The following KCNH2 variants were observed in gnomAD, a reference collection of about 807,000 sequenced individuals.
KCNH2 encodes potassium voltage-gated channel subfamily H member 2.
A neutral mutation model predicts 95.9 loss-of-function variants in KCNH2; 35 were observed. The ratio of observed to expected loss-of-function variants is 0.37; its 90% confidence interval spans 0.28 to 0.48. The LOEUF is 0.48. Ranked by LOEUF, KCNH2 falls within the 20% of genes least tolerant of loss-of-function variation. KCNH2 has a pLI of 0.99. For synonymous variants in KCNH2, 786 were observed against 754.7 expected (o/e 1.04, Z -0.68); for missense variants, 1,274 against 1,702.9 (o/e 0.75, Z 4.43).
chr7:150,974,670 A>ACCCCGCCCCTGGTCGTGG, intron 2 of KCNH2, 41 bp downstream of exon 2: 1 of 636,944 alleles, frequency 1.6e-6, no homozygotes, highest in Middle Eastern at 5.7e-4. Context: ...GCCCCTCTTG[A>ACCCCGCCCCTGGTCGTGG]CCCCGCCCCT....
intron 2 of KCNH2, 94 bp downstream of exon 2, chr7:150,974,617 A>AC: frequency 1.7e-5 from 2 of 119,900 alleles, no homozygotes; most frequent in Non-Finnish European, 1.5e-5. Flanking sequence ...AGCCGCCCCC[A>AC]CACCCCCACA....
intron 2 of KCNH2, among the ~76,000 whole-genome samples, chr7:150,966,380 CT>C (rs138775994): frequency 0.28 from 11,597 of 41,282 alleles, 191 homozygotes; most frequent in East Asian, 0.39. Flanking sequence ...GATTTGCCCC[CT>C]CCCCCCCCCC....
chr7:150,966,871 A>G (rs901260622), intron 2 of KCNH2, among the ~76,000 whole-genome samples: 1 of 151,966 alleles, frequency 6.6e-6, no homozygotes, highest in Non-Finnish European at 1.5e-5. Context: ...GAGTGGGACA[A>G]ATATAAAGAT....
chr7:150,974,685 G>A, intron 2 of KCNH2, 26 bp downstream of exon 2: 1 of 1,536,944 alleles, frequency 6.5e-7, no homozygotes, highest in East Asian at 2.4e-5. Context: ...GCCCCTGGTC[G>A]TGGCCCCGCC....
At chr7:150,967,573 A>T (rs777458248) in intron 2 of KCNH2, among the ~76,000 whole-genome samples, 1 of 152,242 alleles carries the variant, frequency 6.6e-6, no homozygotes, top group African/African-American at 2.4e-5. Context: ...ATGCGTTGGG[A>T]AAGTTGGCAC....
rs1479572342 is a variant in KCNH2, at chr7:150,947,629, C to T, written c.2942G>A (p.Ser981Asn). 1 of 1,612,646 alleles carries T rather than the reference C, an allele frequency of 6.2e-7. No homozygotes were observed. Among genetic ancestry groups the T allele is most frequent in the Admixed American group, 1.7e-5 (1 of 59,954 alleles). Reference sequence around the variant, plus strand: ...ACCTGACAGGGGGTTGCAAGTGTCGCTGCTCTTCTCGCAGTCCTCCATCAG... The same window carrying T: ...ACCTGACAGGGGGTTGCAAGTGTCGTTGCTCTTCTCGCAGTCCTCCATCAG... Reference protein sequence around the residue: ...EPLMEDCEKSSDTCNPLSGAF... With the variant: ...EPLMEDCEKSNDTCNPLSGAF... The change falls in exon 12 of 15, where the codon AGC (serine) becomes AAC (asparagine). Residue 981 changes from serine to asparagine, a missense_variant. Ser to Asn is a conservative substitution (Grantham distance 46). Coordinates refer to ENST00000262186, the MANE Select transcript of KCNH2 (RefSeq NM_000238.4).
At chr7:150,971,152 C>T (rs1023017067) in intron 2 of KCNH2, among the ~76,000 whole-genome samples, 1 of 152,048 alleles carries the variant, frequency 6.6e-6, no homozygotes, top group Non-Finnish European at 1.5e-5. Flanking sequence ...CCTTGGGGGA[C>T]GGAGAAGGGC....
rs559474055 is a variant in KCNH2 at position 150,962,762 on chromosome 7, G to C, written c.308-3026C>G. Among the ~76,000 whole-genome samples, 20 of 152,238 alleles carry C rather than the reference G, an allele frequency of 1.3e-4. No homozygotes were observed. Among genetic ancestry groups the C allele is most frequent in the South Asian group, 6.2e-4 (3 of 4,814 alleles). On this transcript the variant is annotated intron_variant, in intron 2 of 14. Transcript: ENST00000262186. This position sits in a 1 kb window ranked among gnomAD's most constrained non-coding sequence, Gnocchi z 5.7. ...AAAAATGTGAACTGGAGCCCTGCCT[G>C]ATGGCAGGGGCTGGGGCGGGGGAGA...
In KCNH2 at chr7:150,950,155, C is replaced by A; in HGVS notation, c.2398+13G>T. On this transcript the variant is annotated intron_variant, in intron 9 of 14. Transcript: ENST00000262186. ...GGGCATTTCCAGTCCAGTGCCCGCC[C>A]CCCACCCCATACCCAGGATGGCCAC... 9.2e-6 allele frequency: 7 copies of A among 762,232 alleles called. No individual in the cohort carries two copies. Among genetic ancestry groups the A allele is most frequent in the South Asian group, 5.4e-5 (4 of 74,090 alleles). 47.2% of individuals were successfully genotyped at this position (762,232 alleles called of 1,614,324 possible).
chr7:150,967,767 A>C (rs545025994), intron 2 of KCNH2, among the ~76,000 whole-genome samples: 1 of 152,378 alleles, frequency 6.6e-6, no homozygotes, highest in South Asian at 2.1e-4. Flanking sequence ...ATTTGTTTGC[A>C]TCAAAATTAA....
Position 150,952,856 on chromosome 7 carries a change from G to A in KCNH2, c.1129-3C>T. On this transcript the variant is annotated splice_polypyrimidine_tract_variant and splice_region_variant and intron_variant, in intron 5 of 14. Transcript: ENST00000262186. This position sits in a 1 kb window ranked among gnomAD's most constrained non-coding sequence, Gnocchi z 7.3. The stretch of plus-strand genomic sequence containing the variant: ...ACGTCGGCGCCCAGGGACAGGACCT[G>A]CACCCGGGGAAGGCGGAGGTGTGGG... 6.2e-7 allele frequency: 1 copy of A among 1,612,806 alleles called. No homozygotes were observed.
chr7:150,955,900 C>T (rs1801360385), intron 5 of KCNH2: 9 of 950,092 alleles, frequency 9.5e-6, no homozygotes, highest in South Asian at 4.8e-5. Flanking sequence ...GCCCAGCCAG[C>T]GGCCCCCTCC....
intron 2 of KCNH2, among the ~76,000 whole-genome samples, chr7:150,963,355 C>G (rs1801618654): frequency 6.6e-6 from 1 of 152,136 alleles, no homozygotes; most frequent in African/African-American, 2.4e-5. Context: ...GCCCAGAGCC[C>G]CGGGGCGCTC....
At chr7:150,949,093 G>T in intron 9 of KCNH2, 44 bp from the exon 10 acceptor site, 1 of 1,556,872 alleles carries the variant, frequency 6.4e-7, no homozygotes, top group Non-Finnish European at 8.8e-7. Flanking sequence ...CCGGGGGGCG[G>T]CATCCAGGCA....
At chr7:150,956,666 G>A (rs867261334) in intron 5 of KCNH2, among the ~76,000 whole-genome samples, 2 of 152,174 alleles carry the variant, frequency 1.3e-5, no homozygotes, top group African/African-American at 4.8e-5. Flanking sequence ...CCAGGATTCA[G>A]GGACCTGACC....
At position 150,947,412 on chromosome 7, in the gene KCNH2, A is replaced by G. The variant is rs1203246274; in HGVS notation, c.3068T>C (p.Leu1023Pro). ...PRCPAPTPSL[L>P]NIPLSSPGRR... ...ACCCGGGCTGGAGAGGGGGATGTTG[A>G]GGAGGCTGGGGGTGGGGGCGGGGCA... The change falls in exon 13 of 15, where the codon CTC becomes CCC. Residue 1023 changes from leucine (L) to proline (P), a missense_variant. Physicochemically the swap from Leu to Pro is moderately conservative, Grantham distance 98 (BLOSUM62 -3). This residue lies in a region of KCNH2 where 457 missense variants were observed against 416.1 expected (regional missense o/e 1.10). Coordinates refer to ENST00000262186, the MANE Select transcript of KCNH2 (RefSeq NM_000238.4). 1.3e-6 allele frequency: 2 copies of G among 1,519,984 alleles called. No individual in the cohort carries two copies. Among genetic ancestry groups the G allele is most frequent in the South Asian group, 1.2e-5 (1 of 83,510 alleles). The allele number at this position is 1,519,984 out of a possible 1,614,324, so 94.2% of individuals were successfully genotyped here. A position where few individuals can be genotyped will look rare whatever the true frequency, so the allele number is the denominator to read the frequency against.
At position 150,961,099 on chromosome 7, in the gene KCNH2, G is replaced by A. The variant is rs1434515368; in HGVS notation, c.308-1363C>T. Among the ~76,000 whole-genome samples, 4 of 152,118 alleles carry A rather than the reference G, an allele frequency of 2.6e-5. No homozygotes were observed. Among genetic ancestry groups the A allele is most frequent in the Non-Finnish European group, 5.9e-5 (4 of 68,022 alleles). On this transcript the variant is annotated intron_variant, in intron 2 of 14. Coordinates refer to ENST00000262186, the MANE Select transcript of KCNH2 (RefSeq NM_000238.4). The surrounding 1 kb of genome is among the most constrained non-coding windows in gnomAD (Gnocchi z 6.2). ...CTTCCTTCCTCTCAGCTCCCCCTCT[G>A]CTCAGCTGTCTTCTCTGCCTCCCAG...
In KCNH2 at chr7:150,964,206, A is replaced by G. The variant is rs768488550; in HGVS notation, c.308-4470T>C. On this transcript the variant is annotated intron_variant, in intron 2 of 14. Transcript: ENST00000262186. ...GACCTTAGGCACCTTCTGGGGTCAGAGTCTCCGTGCGCTCCTCCGTAAATG... is the reference window on the plus strand; with the variant it reads ...GACCTTAGGCACCTTCTGGGGTCAGGGTCTCCGTGCGCTCCTCCGTAAATG... Among the ~76,000 whole-genome samples, 4 of 152,304 alleles carry G rather than the reference A, an allele frequency of 2.6e-5. No homozygotes were observed. In the East Asian group the frequency reaches 7.7e-4, roughly 29 times the overall value.
rs1452266394 is a variant in KCNH2 at position 150,947,426 on chromosome 7, G to T, written c.3054C>A (p.Pro1018=). 5 of 1,555,798 alleles carry T rather than the reference G, an allele frequency of 3.2e-6. No individual in the cohort carries two copies. The highest frequency in any genetic ancestry group is 4.3e-6 in the Non-Finnish European group (5 of 1,149,942). Residue 1018 remains proline (P), a synonymous_variant, in exon 13 of 15, where the codon CCC becomes CCA. Transcript: ENST00000262186. The stretch of plus-strand genomic sequence containing the variant: ...GGGGGATGTTGAGGAGGCTGGGGGT[G>T]GGGGCGGGGCATCGAGGGAGCTCCT... The part of the protein sequence containing the change: ...QYQELPRCPA[P]TPSLLNIPLS...
Sources: gnomAD v4.1 joint callset for allele counts (sites outside exome capture counted in the v4.1 genomes callset) on GRCh38, gnomAD v4.1.1 for gene constraint, gnomAD v4.1.1 regional missense constraint, Gnocchi (gnomAD v3.1) non-coding constraint, MANE v1.5 for transcripts, NCBI Gene and HGNC (gene_info 2026-07-23, HGNC 2026-07-21) for gene names.